RLN2: variants seen among roughly 807,000 people sequenced by gnomAD.
RLN2 encodes prorelaxin H2.
Under a neutral mutation model 7.3 loss-of-function variants are expected in RLN2, and 10 were observed. The observed-to-expected ratio is 1.36, with a 90% CI of 0.84 to 2.31. The LOEUF (loss-of-function observed/expected upper bound fraction) is 2.31. RLN2 is among the 30% of genes most tolerant of loss of function. RLN2 has a pLI of 0.00. For synonymous variants in RLN2, 103 were observed against 82.3 expected, an observed-to-expected ratio of 1.25 and a Z score of -1.36; for missense variants, 298 against 217.6, an observed-to-expected ratio of 1.37 and a Z score of -2.32.
chr9:5,319,381 G>C, the RLN2 span, among the ~76,000 whole-genome samples: 6 of 151,992 alleles, frequency 3.9e-5, no homozygotes, highest in Admixed American at 3.9e-4. Context: ...CAGGTGCAGG[G>C]AAATGAAGAA....
rs993579047 is a variant in RLN2 at position 5,300,132 on chromosome 9, C to A, written c.524G>T (p.Gly175Val). ...TCTAGCAAGAGATCTTTTGGTACAA[C>A]CAACATGGCAACATTTATTAGCCAA... is the stretch of plus-strand genomic sequence containing the variant. ...SALANKCCHVGCTKRSLARFC is the reference protein window; with the variant it reads ...SALANKCCHVVCTKRSLARFC Residue 175 changes from glycine (G) to valine (V), a missense_variant, in exon 2 of 2, where the codon GGT becomes GTT. Transcript: ENST00000381627. The A allele has an allele frequency of 6.2e-7, 1 of 1,602,906 alleles. No homozygotes were observed. The highest frequency in any genetic ancestry group is 8.5e-7 in the Non-Finnish European group (1 of 1,176,698).
chr9:5,316,432 C>T, the RLN2 span, among the ~76,000 whole-genome samples: 2 of 151,880 alleles, frequency 1.3e-5, no homozygotes, highest in East Asian at 3.9e-4. Flanking sequence ...CAAATGCTAT[C>T]CTCCCACTAG....
chr9:5,316,311 CTTT>C, the RLN2 span, among the ~76,000 whole-genome samples: 1 of 151,620 alleles, frequency 6.6e-6, no homozygotes. Context: ...ACTGATTTCT[CTTT>C]TTTTTATTAC....
chr9:5,330,651 A>AG, the RLN2 span, among the ~76,000 whole-genome samples: 1 of 150,144 alleles, frequency 6.7e-6, no homozygotes, highest in Non-Finnish European at 1.5e-5. Flanking sequence ...AAAAAAAAAA[A>AG]AAAAGAAAAA....
At chr9:5,332,306 C>A in the RLN2 span, among the ~76,000 whole-genome samples, 3 of 151,816 alleles carry the variant, frequency 2.0e-5, no homozygotes, top group Non-Finnish European at 4.4e-5. Flanking sequence ...TACTCTGAAG[C>A]TTTCTATATG....
chr9:5,302,427 C>G (rs1426525260), intron 1 of RLN2, among the ~76,000 whole-genome samples: 1 of 152,128 alleles, frequency 6.6e-6, no homozygotes, highest in East Asian at 1.9e-4. Flanking sequence ...AATGTGGAAG[C>G]AAATAGCAAC....
At chr9:5,336,698 T>G in the RLN2 span, among the ~76,000 whole-genome samples, 2 of 152,106 alleles carry the variant, frequency 1.3e-5, no homozygotes. Context: ...TAAATTATAG[T>G]GTAAACTCAG....
At chr9:5,301,179 T>C (rs185844679) in intron 1 of RLN2, among the ~76,000 whole-genome samples, 2 of 152,326 alleles carry the variant, frequency 1.3e-5, no homozygotes, top group East Asian at 3.9e-4. Flanking sequence ...CTGTTTGATA[T>C]TTGTTCCAAA....
upstream of RLN2, among the ~76,000 whole-genome samples, chr9:5,307,833 T>C (rs1451655915): frequency 1.3e-5 from 2 of 152,036 alleles, no homozygotes; most frequent in East Asian, 1.9e-4. Flanking sequence ...AGCGCCAACT[T>C]TGTCTATAGG....
At chr9:5,307,201 GTTAT>G (rs1232292341), upstream of RLN2, among the ~76,000 whole-genome samples, 1 of 151,508 alleles carries the variant, frequency 6.6e-6, no homozygotes, top group African/African-American at 2.4e-5. Context: ...AGGTTTTTCT[GTTAT>G]TTACTCTATC....
the RLN2 span, chr9:5,311,579 G>A: frequency 1.2e-6 from 1 of 837,414 alleles, no homozygotes; most frequent in Non-Finnish European, 2.1e-6. Flanking sequence ...AAACGCCCAT[G>A]CAAAGACAGG....
At chr9:5,330,634 T>A in the RLN2 span, among the ~76,000 whole-genome samples, 3 of 82,008 alleles carry the variant, frequency 3.7e-5, no homozygotes, top group Non-Finnish European at 4.5e-5. Context: ...CAAGACTCCA[T>A]CTCAAAAAAA....
chr9:5,312,029 T>C, the RLN2 span, among the ~76,000 whole-genome samples: 1 of 151,944 alleles, frequency 6.6e-6, no homozygotes, highest in Non-Finnish European at 1.5e-5. Flanking sequence ...TTAAGCTATG[T>C]TGTTAGCACA....
At chr9:5,331,873 T>G in the RLN2 span, among the ~76,000 whole-genome samples, 3 of 152,108 alleles carry the variant, frequency 2.0e-5, no homozygotes, top group African/African-American at 7.2e-5. Flanking sequence ...GAGGGCACAA[T>G]TTTGCAGTAT....
upstream of RLN2, among the ~76,000 whole-genome samples, chr9:5,308,268 C>T (rs1340645251): frequency 2.0e-5 from 3 of 151,866 alleles, no homozygotes; most frequent in African/African-American, 7.3e-5. Flanking sequence ...GCTGGAAATA[C>T]CTTGGTTAAG....
At chr9:5,307,891 C>T (rs1461489248), upstream of RLN2, among the ~76,000 whole-genome samples, 1 of 152,006 alleles carries the variant, frequency 6.6e-6, no homozygotes, top group African/African-American at 2.4e-5. Context: ...ATATATAAAA[C>T]CCTGCTCTTT....
chr9:5,324,199 G>C, the RLN2 span, among the ~76,000 whole-genome samples: 1 of 152,090 alleles, frequency 6.6e-6, no homozygotes, highest in African/African-American at 2.4e-5. Flanking sequence ...TACAGCTGAA[G>C]TTCTCCTTGT....
At chr9:5,333,035 G>C in the RLN2 span, among the ~76,000 whole-genome samples, 1 of 151,978 alleles carries the variant, frequency 6.6e-6, no homozygotes. Flanking sequence ...GTATTAACCA[G>C]AAGCTTAAAA....
the RLN2 span, among the ~76,000 whole-genome samples, chr9:5,319,112 A>G: frequency 1.6e-3 from 244 of 152,104 alleles, 2 homozygotes; most frequent in African/African-American, 5.6e-3. Flanking sequence ...TATCATTAAC[A>G]CCAAGTTTCA....
Sources: allele counts gnomAD v4.1 joint callset (sites outside exome capture counted in the v4.1 genomes callset), GRCh38; gene constraint gnomAD v4.1.1; transcripts MANE v1.5; gene names NCBI Gene and HGNC (gene_info 2026-07-23, HGNC 2026-07-21).